Variants in TRAPPC6B observed in about 807,000 individuals in gnomAD.
The protein encoded by TRAPPC6B is trafficking protein particle complex subunit 6B.
Under a neutral mutation model 24.7 loss-of-function variants are expected in TRAPPC6B, and 27 were observed. The observed-to-expected ratio is 1.09, with a 90% CI of 0.81 to 1.51. TRAPPC6B has a LOEUF of 1.51. TRAPPC6B is among the 40% of genes most tolerant of loss of function. The probability of loss-of-function intolerance (pLI) is 0.00; values close to 1 mark genes in which losing one functional copy is unlikely to be tolerated. For missense variants in TRAPPC6B, 212 were observed against 190.8 expected, an observed-to-expected ratio of 1.11 and a Z score of -0.66; for synonymous variants, 80 against 66.6, an observed-to-expected ratio of 1.20 and a Z score of -0.98.
intron 1 of TRAPPC6B, 133 bp downstream of exon 1, chr14:39,169,882 C>T (rs2053148873): frequency 1.3e-6 from 1 of 762,664 alleles, no homozygotes. Context: ...GTTTAGGACA[C>T]CTGGAGGTGG....
At chr14:39,157,594 G>T (rs2052998273) in intron 3 of TRAPPC6B, 1 of 373,328 alleles carries the variant, frequency 2.7e-6, no homozygotes, top group Non-Finnish European at 5.2e-6. Context: ...TAAAATGGGG[G>T]TCCCTTACCG....
intron 1 of TRAPPC6B, among the ~76,000 whole-genome samples, chr14:39,160,707 T>C (rs975325516): frequency 5.9e-5 from 9 of 152,140 alleles, no homozygotes; most frequent in African/African-American, 9.7e-5. Context: ...AATTTCACTA[T>C]TGTTTTCTCT....
Position 39,158,342 on chromosome 14 carries a change from T to C in TRAPPC6B, c.210A>G (p.Lys70=). 1.9e-6 allele frequency: 3 copies of C among 1,604,524 alleles called. No individual in the cohort carries two copies. The highest frequency in any genetic ancestry group is 2.5e-6 in the Non-Finnish European group (3 of 1,178,020). The change falls in exon 3 of 6, where the codon AAA becomes AAG. Residue 70 remains lysine, a synonymous_variant. Transcript: ENST00000330149. The stretch of plus-strand genomic sequence containing the variant: ...TCTTGAATACCGTAGTCCAAAAATC[T>C]TTACAAATGAACTTCATGATATCTA... ...DELDIMKFIC[K]DFWTTVFKKQ... is the part of the protein sequence containing the mutation.
rs796850720 is a variant in TRAPPC6B at position 39,163,373 on chromosome 14, GAA to G, written c.82-3825_82-3824del. ...GTGACAGGGCGAGACTTCATCACCA[GAA>G]AAAAAAAAAAAAAAAAGACCAGCAA... On this transcript the variant is annotated intron_variant, in intron 1 of 5. Coordinates refer to ENST00000330149, the MANE Select transcript of TRAPPC6B (RefSeq NM_001079537.2). Among the ~76,000 whole-genome samples the G allele has an allele frequency of 2.1e-3, 203 of 97,650 alleles. 2 individuals are homozygous for G. The highest frequency in any genetic ancestry group is 1.7e-3 in the Non-Finnish European group (86 of 49,212). 64.1% of individuals were successfully genotyped at this position (97,650 alleles called of 152,430 possible).
chr14:39,163,452 C>A lies in TRAPPC6B; in HGVS notation c.82-3902G>T, dbSNP rs755048471. 2.1e-4 allele frequency among the ~76,000 whole-genome samples: 31 copies of A among 150,310 alleles called. 2 individuals are homozygous for A. Among genetic ancestry groups the A allele is most frequent in the African/African-American group, 7.3e-4 (29 of 39,960 alleles). On this transcript the variant is annotated intron_variant, in intron 1 of 5. Coordinates refer to ENST00000330149, the MANE Select transcript of TRAPPC6B (RefSeq NM_001079537.2). ...ATTCTCTAGTCCCACTCCCAATTTA[C>A]TTAATCAGAAACTCTGGGTATGGGG...
intron 4 of TRAPPC6B, among the ~76,000 whole-genome samples, chr14:39,153,497 G>A (rs2052939238): frequency 2.0e-5 from 3 of 151,604 alleles, no homozygotes; most frequent in African/African-American, 7.3e-5. Context: ...AGGCATGGTG[G>A]CCCACACCTG....
intron 4 of TRAPPC6B, among the ~76,000 whole-genome samples, chr14:39,152,493 G>T (rs1164249222): frequency 1.3e-5 from 2 of 152,024 alleles, no homozygotes; most frequent in South Asian, 2.1e-4. Flanking sequence ...GCAATTCAGG[G>T]AATTTTTGAT....
At position 39,159,544 on chromosome 14, in the gene TRAPPC6B, C is replaced by G; in HGVS notation, c.88G>C (p.Gly30Arg). The G allele has an allele frequency of 6.2e-7, 1 of 1,601,554 alleles. No homozygotes were observed. The highest frequency in any genetic ancestry group is 8.5e-7 in the Non-Finnish European group (1 of 1,173,172). The change falls in exon 2 of 6, where the codon GGA becomes CGA. Residue 30 changes from glycine (G) to arginine (R), a missense_variant. By Grantham distance (125) the Gly-to-Arg change is moderately radical. Coordinates refer to ENST00000330149, the MANE Select transcript of TRAPPC6B (RefSeq NM_001079537.2). ...TTTTCCAGCTTAGTAATACATCGTC[C>G]GTTTTCCTATTTTAAAAAACAATAG... ...KSAEQGEVEN[G>R]RCITKLENMG...
At chr14:39,157,123 A>AG (rs1205001326) in intron 3 of TRAPPC6B, 21 of 129,830 alleles carry the variant, frequency 1.6e-4, no homozygotes, top group Non-Finnish European at 2.5e-4. Flanking sequence ...AAAAAAAAAA[A>AG]AAAGAAAGAA....
At chr14:39,153,797 C>T (rs1042522705) in intron 4 of TRAPPC6B, among the ~76,000 whole-genome samples, 3 of 151,598 alleles carry the variant, frequency 2.0e-5, no homozygotes, top group Non-Finnish European at 4.4e-5. Context: ...TTCTGCCTCC[C>T]GGGTTCAAGT....
intron 2 of TRAPPC6B, chr14:39,159,255 G>C (rs1478117065): frequency 4.3e-6 from 1 of 231,472 alleles, no homozygotes; most frequent in Non-Finnish European, 8.1e-6. Context: ...GCTTCAGGAA[G>C]AAAGTCTAAA....
At chr14:39,168,727 T>A (rs1200449713) in intron 1 of TRAPPC6B, among the ~76,000 whole-genome samples, 1 of 152,224 alleles carries the variant, frequency 6.6e-6, no homozygotes, top group African/African-American at 2.4e-5. Flanking sequence ...AAACAAGGCC[T>A]ACAGAATTCC....
intron 1 of TRAPPC6B, among the ~76,000 whole-genome samples, chr14:39,167,033 C>A (rs901845382): frequency 2.0e-5 from 3 of 152,184 alleles, no homozygotes; most frequent in African/African-American, 7.2e-5. Flanking sequence ...GAAGAAGAAC[C>A]CACTGGGCAG....
chr14:39,152,959 T>C (rs1291841923), intron 4 of TRAPPC6B, among the ~76,000 whole-genome samples: 1 of 152,028 alleles, frequency 6.6e-6, no homozygotes, highest in Non-Finnish European at 1.5e-5. Flanking sequence ...GGGTGGCTTT[T>C]GTAATCACGT....
Position 39,158,319 on chromosome 14 carries a change from T to C in TRAPPC6B, c.233A>G (p.Lys78Arg), listed in dbSNP as rs760263454. The change falls in exon 3 of 6, where the codon AAG becomes AGG. Residue 78 changes from lysine (K) to arginine (R), a missense_variant. Coordinates refer to ENST00000330149, the MANE Select transcript of TRAPPC6B (RefSeq NM_001079537.2). The part of the protein sequence containing the change: ...ICKDFWTTVF[K>R]KQIDNLRTNH... Reference sequence around the variant, plus strand: ...TGTCCTTAGATTGTCGATTTGTTTCTTGAATACCGTAGTCCAAAAATCTTT... The same window carrying C: ...TGTCCTTAGATTGTCGATTTGTTTCCTGAATACCGTAGTCCAAAAATCTTT... 6.2e-7 allele frequency: 1 copy of C among 1,600,598 alleles called. No individual in the cohort carries two copies. The highest frequency in any genetic ancestry group is 2.2e-5 in the East Asian group (1 of 44,612).
Position 39,148,349 on chromosome 14 carries a change from C to T in TRAPPC6B, c.*2001G>A, listed in dbSNP as rs753259614. On this transcript the variant is annotated 3_prime_UTR_variant, in exon 6 of 6. Coordinates refer to ENST00000330149, the MANE Select transcript of TRAPPC6B (RefSeq NM_001079537.2). ...ATCAAATGATCAAGTAAGCCAATTACCATGATTGGCACAGAATCTAATCAA... is the reference window on the plus strand; with the variant it reads ...ATCAAATGATCAAGTAAGCCAATTATCATGATTGGCACAGAATCTAATCAA... 3 of 268,978 alleles carry T rather than the reference C, an allele frequency of 1.1e-5. No individual in the cohort carries two copies. Among genetic ancestry groups the T allele is most frequent in the Non-Finnish European group, 1.4e-5 (2 of 144,702 alleles). 16.7% of individuals were successfully genotyped at this position (268,978 alleles called of 1,614,324 possible). A position where few individuals can be genotyped will look rare whatever the true frequency, so the allele number is the denominator to read the frequency against.
At chr14:39,151,644 A>C in intron 5 of TRAPPC6B, 102 bp downstream of exon 5, 1 of 824,890 alleles carries the variant, frequency 1.2e-6, no homozygotes. Flanking sequence ...AACTAAAATG[A>C]AAGTTTCAGC....
intron 3 of TRAPPC6B, chr14:39,157,265 T>A (rs753971543): frequency 8.0e-6 from 3 of 376,666 alleles, no homozygotes; most frequent in Non-Finnish European, 1.5e-5. Flanking sequence ...CACAAAGCCA[T>A]CCTCTGTAAG....
intron 1 of TRAPPC6B, 70 bp downstream of exon 1, chr14:39,169,945 A>G: frequency 1.3e-6 from 2 of 1,518,636 alleles, no homozygotes; most frequent in Non-Finnish European, 9.1e-7. Flanking sequence ...ACAGGGGTTG[A>G]AGGAAAGCAC....
Sources: allele counts gnomAD v4.1 joint callset (sites outside exome capture counted in the v4.1 genomes callset), GRCh38; gene constraint gnomAD v4.1.1; transcripts MANE v1.5; gene names NCBI Gene and HGNC (gene_info 2026-07-23, HGNC 2026-07-21).